The following NELL1 variants were observed in gnomAD, a reference collection of about 807,000 sequenced individuals.
The protein encoded by NELL1 is neural EGFL like 1, also known as protein kinase C-binding protein NELL1.
A neutral mutation model predicts 107.4 loss-of-function variants in NELL1; 76 were observed. The ratio of observed to expected loss-of-function variants is 0.71; its 90% confidence interval spans 0.59 to 0.86. The LOEUF is 0.86. Ranked by LOEUF, NELL1 falls within the 40% of genes least tolerant of loss-of-function variation. The pLI is 0.00. For synonymous variants in NELL1, 353 were observed against 341.2 expected (o/e 1.03, Z -0.38); for missense variants, 1,024 against 1,005.5 (o/e 1.02, Z -0.25).
chr11:20,796,838 C>T (rs1019096248), intron 3 of NELL1, among the ~76,000 whole-genome samples: 1 of 152,078 alleles, frequency 6.6e-6, no homozygotes, highest in African/African-American at 2.4e-5. Context: ...CACCCTACCT[C>T]GACCAAAAGG....
chr11:20,770,355 C>CA (rs2133967669), intron 2 of NELL1, among the ~76,000 whole-genome samples: 1 of 152,266 alleles, frequency 6.6e-6, no homozygotes, highest in Non-Finnish European at 1.5e-5. Flanking sequence ...TAAAGAAAAA[C>CA]AGCAAGTCTG....
At chr11:20,966,094 C>G (rs869796) in intron 12 of NELL1, among the ~76,000 whole-genome samples, 26,101 of 152,108 alleles carry the variant, frequency 0.17, 2,500 homozygotes, top group Middle Eastern at 0.28. Context: ...CTTTAGACAG[C>G]AAAGCATTGC....
chr11:21,535,112 G>C (rs1484352499), intron 16 of NELL1, among the ~76,000 whole-genome samples: 1 of 152,160 alleles, frequency 6.6e-6, no homozygotes, highest in Non-Finnish European at 1.5e-5. Flanking sequence ...ATCATCTCTT[G>C]AAAAGTCTGC....
In NELL1 at chr11:21,366,922, G is replaced by C. The variant is rs191866024; in HGVS notation, c.1550-3931G>C. ...AGTGAAGGGCTATTACTTTTTATTA[G>C]TGTAGAACTGCTTTTGTTGAATTGA... On this transcript the variant is annotated intron_variant, in intron 14 of 19. Transcript: ENST00000357134. Among the ~76,000 whole-genome samples the C allele has an allele frequency of 5.3e-5, 8 of 152,156 alleles. No homozygotes were observed. The East Asian group carries it at 1.5e-3, about 29-fold the overall frequency.
chr11:20,858,172 T>G (rs182691959), intron 4 of NELL1, among the ~76,000 whole-genome samples: 30 of 152,242 alleles, frequency 2.0e-4, no homozygotes, highest in African/African-American at 6.5e-4. Flanking sequence ...CAAGAGATAT[T>G]GAAGCCTGTA....
chr11:21,408,994 T>A (rs1381647472), intron 15 of NELL1, among the ~76,000 whole-genome samples: 1 of 152,004 alleles, frequency 6.6e-6, no homozygotes, highest in Non-Finnish European at 1.5e-5. Context: ...GACTGCAAAC[T>A]AGTTCAACCA....
chr11:21,109,598 T>A (rs1274127182), intron 12 of NELL1, among the ~76,000 whole-genome samples: 4 of 152,164 alleles, frequency 2.6e-5, no homozygotes, highest in Non-Finnish European at 4.4e-5. Context: ...GTTAGCATAC[T>A]AATTGCTTTG....
intron 14 of NELL1, among the ~76,000 whole-genome samples, chr11:21,290,096 G>A (rs368394512): frequency 1.2e-4 from 18 of 152,132 alleles, no homozygotes; most frequent in African/African-American, 4.1e-4. Flanking sequence ...CGGGCTGGAC[G>A]CGGTGGCTCA....
intron 12 of NELL1, among the ~76,000 whole-genome samples, chr11:20,980,852 C>T (rs568027045): frequency 2.6e-5 from 4 of 152,268 alleles, no homozygotes; most frequent in African/African-American, 9.6e-5. Flanking sequence ...ATGTGTTTGC[C>T]ATGGGACTTG....
At chr11:21,390,480 T>C (rs1333073620) in intron 15 of NELL1, among the ~76,000 whole-genome samples, 1 of 150,838 alleles carries the variant, frequency 6.6e-6, no homozygotes, top group Non-Finnish European at 1.5e-5. Flanking sequence ...AGTTCTTTTT[T>C]CGACCGCTCA....
chr11:21,119,742 G>C (rs1329958529), intron 13 of NELL1, among the ~76,000 whole-genome samples: 1 of 152,004 alleles, frequency 6.6e-6, no homozygotes. Flanking sequence ...TGAAATGGAG[G>C]TGTTACAGGG....
At chr11:21,269,054 GA>G (rs985573308) in intron 14 of NELL1, among the ~76,000 whole-genome samples, 5 of 151,140 alleles carry the variant, frequency 3.3e-5, no homozygotes, top group Admixed American at 6.6e-5. Context: ...CATGGCTGAG[GA>G]AAAAAAATCT....
chr11:21,357,836 A>G (rs185589055), intron 14 of NELL1, among the ~76,000 whole-genome samples: 1 of 152,230 alleles, frequency 6.6e-6, no homozygotes. Context: ...GTGAGAGATA[A>G]GGATCCAGTT....
At chr11:20,908,566 A>G (rs1317152540) in intron 5 of NELL1, among the ~76,000 whole-genome samples, 1 of 152,008 alleles carries the variant, frequency 6.6e-6, no homozygotes, top group African/African-American at 2.4e-5. Flanking sequence ...GGGATGGGGG[A>G]AAGGGGAGGG....
intron 13 of NELL1, among the ~76,000 whole-genome samples, chr11:21,148,769 T>C (rs2133782969): frequency 6.6e-6 from 1 of 152,298 alleles, no homozygotes; most frequent in African/African-American, 2.4e-5. Flanking sequence ...ATTGCCAAAA[T>C]AGAAGACCTT....
intron 2 of NELL1, among the ~76,000 whole-genome samples, chr11:20,772,210 T>G (rs1856653975): frequency 6.6e-6 from 1 of 152,176 alleles, no homozygotes; most frequent in Admixed American, 6.5e-5. Flanking sequence ...GATGACACCC[T>G]TAATATACAG....
intron 12 of NELL1, among the ~76,000 whole-genome samples, chr11:21,069,415 A>G (rs1853958161): frequency 6.6e-6 from 1 of 152,220 alleles, no homozygotes; most frequent in African/African-American, 2.4e-5. Context: ...TAAGTTGTCA[A>G]CACCACTTAA....
At chr11:21,529,543 T>C (rs796850380) in intron 15 of NELL1, among the ~76,000 whole-genome samples, 6 of 148,038 alleles carry the variant, frequency 4.1e-5, no homozygotes, top group African/African-American at 1.3e-4. Context: ...CTTAAACTTA[T>C]GTGAAGTTTT....
intron 2 of NELL1, among the ~76,000 whole-genome samples, chr11:20,703,840 C>G (rs1385786055): frequency 1.3e-5 from 2 of 152,170 alleles, no homozygotes; most frequent in Non-Finnish European, 2.9e-5. Flanking sequence ...ATCCTGAGTT[C>G]TAGTTTGATT....
Sources: allele counts gnomAD v4.1 joint callset (sites outside exome capture counted in the v4.1 genomes callset), GRCh38; gene constraint gnomAD v4.1.1; transcripts MANE v1.5; gene names NCBI Gene and HGNC (gene_info 2026-07-23, HGNC 2026-07-21).